The following AGBL1 variants were observed in gnomAD, a reference collection of about 807,000 sequenced individuals.
AGBL1 encodes the protein AGBL carboxypeptidase 1.
Under a neutral mutation model 118.9 loss-of-function variants are expected in AGBL1, and 130 were observed. The ratio of observed to expected loss-of-function variants is 1.09; its 90% CI spans 0.95 to 1.26. AGBL1 has a LOEUF of 1.26. Ranked by LOEUF, AGBL1 falls within the 50% of genes most tolerant of loss-of-function variation. The probability of loss-of-function intolerance (pLI) is 0.00; values close to 1 mark genes in which losing one functional copy is unlikely to be tolerated. For synonymous variants in AGBL1, 555 were observed against 478.9 expected (o/e 1.16, Z -2.08); for missense variants, 1,584 against 1,298.1 (o/e 1.22, Z -3.38).
intron 17 of AGBL1, among the ~76,000 whole-genome samples, chr15:86,390,057 A>G (rs893053756): frequency 6.6e-6 from 1 of 152,160 alleles, no homozygotes; most frequent in African/African-American, 2.4e-5. Flanking sequence ...GGAAACACTG[A>G]AAGTGATGAA....
intron 17 of AGBL1, among the ~76,000 whole-genome samples, chr15:86,397,010 C>G (rs1214518814): frequency 6.6e-6 from 1 of 152,158 alleles, no homozygotes; most frequent in Admixed American, 6.6e-5. Flanking sequence ...TACCTTCATA[C>G]TTTCTTGAGT....
chr15:86,839,895 G>A (rs2079221479), intron 22 of AGBL1, among the ~76,000 whole-genome samples: 1 of 152,086 alleles, frequency 6.6e-6, no homozygotes, highest in Non-Finnish European at 1.5e-5. Context: ...TAACCACGAT[G>A]TTTATACAAA....
At chr15:86,088,265 G>A (rs531893309) in intron 1 of AGBL1, 1 of 152,398 alleles carries the variant, frequency 6.6e-6, no homozygotes, top group Admixed American at 6.5e-5. Flanking sequence ...GGAGCACGAG[G>A]TGGTAATTGC....
At chr15:86,798,538 A>G (rs11632289) in intron 22 of AGBL1, among the ~76,000 whole-genome samples, 59,337 of 151,726 alleles carry the variant, frequency 0.39, 13,508 homozygotes, top group Non-Finnish European at 0.54. Flanking sequence ...CTATTGAATG[A>G]GCCACTATTC....
chr15:86,901,514 A>G (rs529647531), intron 22 of AGBL1, among the ~76,000 whole-genome samples: 2 of 152,172 alleles, frequency 1.3e-5, no homozygotes, highest in African/African-American at 4.8e-5. Flanking sequence ...ATTGCACTAT[A>G]TTTTTATTTC....
intron 24 of AGBL1, among the ~76,000 whole-genome samples, chr15:87,017,079 G>GA (rs2081614454): frequency 6.6e-6 from 1 of 152,110 alleles, no homozygotes; most frequent in African/African-American, 2.4e-5. Flanking sequence ...CACAAGTTAA[G>GA]ACACACTGGC....
intron 22 of AGBL1, among the ~76,000 whole-genome samples, chr15:86,754,711 T>A (rs2077909625): frequency 6.6e-6 from 1 of 152,124 alleles, no homozygotes; most frequent in African/African-American, 2.4e-5. Flanking sequence ...CTGTGCAGCT[T>A]TATTGTTGCT....
At chr15:86,160,966 A>G (rs1250621235) in intron 5 of AGBL1, among the ~76,000 whole-genome samples, 1 of 152,194 alleles carries the variant, frequency 6.6e-6, no homozygotes, top group Non-Finnish European at 1.5e-5. Flanking sequence ...TCAACAAAGC[A>G]TAGAAACCTC....
At chr15:86,423,629 T>C (rs896253471) in intron 18 of AGBL1, among the ~76,000 whole-genome samples, 1 of 152,148 alleles carries the variant, frequency 6.6e-6, no homozygotes, top group East Asian at 1.9e-4. Context: ...ATTGTATATA[T>C]AGAAAACCCA....
chr15:86,298,600 A>G (rs2079695437), intron 17 of AGBL1, among the ~76,000 whole-genome samples: 2 of 152,028 alleles, frequency 1.3e-5, no homozygotes, highest in Admixed American at 1.3e-4. Flanking sequence ...TCCTGCCTCC[A>G]GGCCTCCCTT....
At chr15:86,742,316 G>A (rs190539004) in intron 22 of AGBL1, among the ~76,000 whole-genome samples, 5 of 152,234 alleles carry the variant, frequency 3.3e-5, no homozygotes, top group East Asian at 3.9e-4. Context: ...ATTAAAATTA[G>A]TTACAGATGA....
At chr15:86,413,481 T>A (rs888467795) in intron 18 of AGBL1, among the ~76,000 whole-genome samples, 1 of 152,204 alleles carries the variant, frequency 6.6e-6, no homozygotes, top group Admixed American at 6.5e-5. Flanking sequence ...TAATTTACAT[T>A]CCTATCAACA....
chr15:86,554,447 G>T lies in AGBL1; in HGVS notation c.2904G>T (p.Thr968=), dbSNP rs372153251. The T allele has an allele frequency of 5.7e-6, 9 of 1,587,654 alleles. No homozygotes were observed. The African/African-American group carries it at 6.7e-5, about 12-fold the overall frequency. ...TCGTGGAGAAATCTCGAGCTTCCAC[G>T]GCCCGGGTGGTGGTGTGGAGAGAGA... ...SFLVEKSRAS[T]ARVVVWREMG... Residue 968 remains threonine (T), a synonymous_variant, in exon 21 of 23, where the codon ACG becomes ACT. Coordinates refer to ENST00000614907, the MANE Select transcript of AGBL1 (RefSeq NM_001386094.1).
chr15:86,463,031 T>C (rs896407132), intron 18 of AGBL1, among the ~76,000 whole-genome samples: 3 of 152,206 alleles, frequency 2.0e-5, no homozygotes, highest in African/African-American at 7.2e-5. Context: ...TCCACAGTGG[T>C]TGAACTAATT....
downstream of AGBL1, among the ~76,000 whole-genome samples, chr15:86,919,097 C>T (rs1201606569): frequency 6.6e-6 from 1 of 152,210 alleles, no homozygotes; most frequent in Non-Finnish European, 1.5e-5. Context: ...ACATCAATAT[C>T]AGCTAGTTTC....
chr15:86,366,017 A>G (rs1488928940), intron 17 of AGBL1, among the ~76,000 whole-genome samples: 1 of 152,208 alleles, frequency 6.6e-6, no homozygotes, highest in African/African-American at 2.4e-5. Flanking sequence ...GATAGTGAAG[A>G]AAGGCACCTG....
In AGBL1 at chr15:86,143,941, G is replaced by C. The variant is rs1330620712; in HGVS notation, c.262+96G>C. Reference sequence around the variant, plus strand: ...GGAAGCTTTGGTGGAGTAGCACAGGGAGAAAGCGTCAGGGAGGTTCTGGAC... The same window carrying C: ...GGAAGCTTTGGTGGAGTAGCACAGGCAGAAAGCGTCAGGGAGGTTCTGGAC... On this transcript the variant is annotated intron_variant, in intron 3 of 22. Transcript: ENST00000614907. 6.3e-6 allele frequency: 9 copies of C among 1,438,888 alleles called. No individual in the cohort carries two copies. In the East Asian group the frequency reaches 1.9e-4, roughly 31 times the overall value. The allele number at this position is 1,438,888 out of a possible 1,614,324, so 89.1% of individuals were successfully genotyped here. A position where few individuals can be genotyped will look rare whatever the true frequency, so the allele number is the denominator to read the frequency against.
chr15:86,255,149 G>C (rs2078874411), intron 7 of AGBL1, among the ~76,000 whole-genome samples: 2 of 152,094 alleles, frequency 1.3e-5, no homozygotes. Context: ...GCTTGGGCTG[G>C]CTCTATCTCT....
intron 21 of AGBL1, among the ~76,000 whole-genome samples, chr15:86,668,977 G>C (rs1171851210): frequency 6.6e-6 from 1 of 152,094 alleles, no homozygotes; most frequent in African/African-American, 2.4e-5. Context: ...AAGGCCTCAA[G>C]CCAAAAATTC....
Sources: gnomAD v4.1 joint callset for allele counts (sites outside exome capture counted in the v4.1 genomes callset) on GRCh38, gnomAD v4.1.1 for gene constraint, MANE v1.5 for transcripts, NCBI Gene and HGNC (gene_info 2026-07-23, HGNC 2026-07-21) for gene names.